The following TRPM3 variants were observed in gnomAD, a reference collection of about 807,000 sequenced individuals.
TRPM3 encodes long transient receptor potential channel 3.
A neutral mutation model predicts 181.2 loss-of-function variants in TRPM3; 77 were observed. The observed-to-expected ratio is 0.42, with a 90% CI of 0.35 to 0.51. TRPM3 has a LOEUF of 0.51. Among genes scored for constraint, TRPM3 ranks in the 20% least tolerant of loss-of-function variants. The pLI is 0.01. For synonymous variants in TRPM3, 745 were observed against 796.4 expected, an observed-to-expected ratio of 0.94 and a Z score of 1.09; for missense variants, 1,759 against 2,196.7, an observed-to-expected ratio of 0.80 and a Z score of 3.98.
chr9:71,047,173 G>T (rs1354265397), intron 1 of TRPM3, among the ~76,000 whole-genome samples: 1 of 152,144 alleles, frequency 6.6e-6, no homozygotes, highest in South Asian at 2.1e-4. Context: ...GATGGAAAAG[G>T]TCCCAAATTA....
At position 71,295,900 on chromosome 9, in the gene TRPM3, G is replaced by A. The variant is rs571828209; in HGVS notation, c.183+150753C>T. Among the ~76,000 whole-genome samples the A allele has an allele frequency of 1.8e-4, 27 of 151,792 alleles. 1 individual carries two copies. In the South Asian group the frequency reaches 5.4e-3, roughly 30 times the overall value. The stretch of plus-strand genomic sequence containing the variant: ...TTTTCTACCATAGAAGTAGAAGTTG[G>A]TCAACATAGTGACAGAACTCTTCCT... On this transcript the variant is annotated intron_variant, in intron 1 of 24. Coordinates refer to the TRPM3 transcript ENST00000357533.
chr9:71,396,815 A>C (rs1236161899), intron 1 of TRPM3, among the ~76,000 whole-genome samples: 1 of 151,700 alleles, frequency 6.6e-6, no homozygotes, highest in Non-Finnish European at 1.5e-5. Flanking sequence ...AAATACAAAA[A>C]ATTTGCCAGG....
chr9:71,248,340 ATGGT>A lies in TRPM3; in HGVS notation c.183+198309_183+198312del, dbSNP rs1565382443. ...GGAGTTGGCTGCAGGGCCTCTGGGT[ATGGT>A]AAGGTGGTTTCTTCTTCCTCTGGAC... On this transcript the variant is annotated intron_variant, in intron 1 of 24. Coordinates refer to the TRPM3 transcript ENST00000357533. 2.6e-5 allele frequency among the ~76,000 whole-genome samples: 4 copies of A among 152,178 alleles called. No individual in the cohort carries two copies. In the East Asian group the frequency reaches 7.7e-4, roughly 29 times the overall value.
intron 1 of TRPM3, among the ~76,000 whole-genome samples, chr9:71,187,012 T>A (rs1055862753): frequency 2.0e-5 from 3 of 152,042 alleles, no homozygotes; most frequent in African/African-American, 7.2e-5. Context: ...TTTGGGCAAG[T>A]TTTAATTTGA....
At chr9:71,260,444 T>G (rs1565395109) in intron 1 of TRPM3, among the ~76,000 whole-genome samples, 1 of 152,190 alleles carries the variant, frequency 6.6e-6, no homozygotes, top group Non-Finnish European at 1.5e-5. Flanking sequence ...TTGTTAGGAA[T>G]AGCACTGAAT....
At chr9:71,342,951 T>C (rs976043598) in intron 1 of TRPM3, among the ~76,000 whole-genome samples, 2 of 152,110 alleles carry the variant, frequency 1.3e-5, no homozygotes, top group Admixed American at 1.3e-4. Context: ...TATTACTAAG[T>C]CTATGAAATT....
intron 12 of TRPM3, among the ~76,000 whole-genome samples, chr9:70,626,731 T>G (rs1435201091): frequency 6.6e-6 from 1 of 152,162 alleles, no homozygotes; most frequent in African/African-American, 2.4e-5. Flanking sequence ...AAATTCATAG[T>G]GTCAAAAGTT....
At chr9:70,872,411 C>T (rs1292145762) in intron 1 of TRPM3, among the ~76,000 whole-genome samples, 2 of 151,912 alleles carry the variant, frequency 1.3e-5, no homozygotes, top group African/African-American at 4.8e-5. Flanking sequence ...CAGGCAAGAT[C>T]TCCTTGAGAG....
chr9:70,556,301 G>A (rs894216090), intron 22 of TRPM3, among the ~76,000 whole-genome samples: 6 of 146,936 alleles, frequency 4.1e-5, no homozygotes, highest in African/African-American at 7.6e-5. Context: ...GATTTGATTT[G>A]TTTGGCGCCG....
chr9:70,741,538 A>G (rs2134832156), intron 8 of TRPM3, among the ~76,000 whole-genome samples: 1 of 152,316 alleles, frequency 6.6e-6, no homozygotes, highest in East Asian at 1.9e-4. Flanking sequence ...TTAGCAGCAC[A>G]ATTTGCAATT....
chr9:70,614,307 C>A (rs563612728), intron 18 of TRPM3, among the ~76,000 whole-genome samples: 5 of 109,640 alleles, frequency 4.6e-5, no homozygotes, highest in South Asian at 4.0e-4. Context: ...TTAGCCTGGG[C>A]AATCTCTTAA....
At chr9:70,568,565 G>A (rs2051281456) in intron 22 of TRPM3, among the ~76,000 whole-genome samples, 1 of 152,092 alleles carries the variant, frequency 6.6e-6, no homozygotes, top group African/African-American at 2.4e-5. Flanking sequence ...TATTCTATAT[G>A]CTTTGTAAAT....
At chr9:71,143,744 A>C (rs1349701739) in intron 1 of TRPM3, among the ~76,000 whole-genome samples, 1 of 152,174 alleles carries the variant, frequency 6.6e-6, no homozygotes, top group East Asian at 1.9e-4. Flanking sequence ...TTCTGTCTTT[A>C]GGTCTTTGAG....
intron 1 of TRPM3, among the ~76,000 whole-genome samples, chr9:71,383,690 T>C (rs954875947): frequency 5.9e-5 from 9 of 152,216 alleles, no homozygotes; most frequent in Non-Finnish European, 1.0e-4. Flanking sequence ...TCCCTGCTTA[T>C]AGTTTTGTAA....
chr9:70,741,053 T>C (rs1445278922), intron 8 of TRPM3, among the ~76,000 whole-genome samples: 3 of 152,082 alleles, frequency 2.0e-5, no homozygotes, highest in East Asian at 3.9e-4. Context: ...TCTTTGCAGT[T>C]TATACATCTG....
At chr9:71,013,887 T>C (rs985655307) in intron 1 of TRPM3, among the ~76,000 whole-genome samples, 1 of 152,070 alleles carries the variant, frequency 6.6e-6, no homozygotes, top group Non-Finnish European at 1.5e-5. Flanking sequence ...GGCTTTTCAC[T>C]TATTTCTTAA....
At chr9:71,031,493 G>A (rs895956682) in intron 1 of TRPM3, among the ~76,000 whole-genome samples, 4 of 152,144 alleles carry the variant, frequency 2.6e-5, no homozygotes, top group African/African-American at 9.7e-5. Context: ...ATATAGCATA[G>A]TAATCAGCAT....
chr9:71,001,313 T>C (rs1391579410), intron 1 of TRPM3, among the ~76,000 whole-genome samples: 1 of 152,178 alleles, frequency 6.6e-6, no homozygotes, highest in East Asian at 1.9e-4. Flanking sequence ...ATCCAGTTTA[T>C]AAACTCTGGG....
chr9:70,553,265 T>C lies in TRPM3; in HGVS notation c.3269A>G (p.Gln1090Arg). 6.2e-7 allele frequency: 1 copy of C among 1,614,090 alleles called. No individual in the cohort carries two copies. The highest frequency in any genetic ancestry group is 2.2e-5 in the East Asian group (1 of 44,864). Residue 1090 changes from glutamine to arginine, a missense_variant, in exon 23 of 26, where the codon CAG becomes CGG. This residue lies in a region of TRPM3 where 94 missense variants were observed against 221.3 expected (regional missense o/e 0.42). Transcript: ENST00000677713. ...AGCTCCTGTCTTGCAGGGAGGCAGC[T>C]GGATTATTTTACCATCCTCTCGGGT... ...NETREDGKII[Q>R]LPPCKTGAWI... is the part of the protein sequence containing the mutation.
Sources: allele counts gnomAD v4.1 joint callset (sites outside exome capture counted in the v4.1 genomes callset), GRCh38; gene constraint gnomAD v4.1.1; regional missense constraint gnomAD v4.1.1; transcripts MANE v1.5; gene names NCBI Gene and HGNC (gene_info 2026-07-23, HGNC 2026-07-21).